PTPRT: variants seen among roughly 807,000 people sequenced by gnomAD.
The protein encoded by PTPRT is protein tyrosine phosphatase receptor type T, also known as receptor-type tyrosine-protein phosphatase T.
Under a neutral mutation model 176.8 loss-of-function variants are expected in PTPRT, and 56 were observed. That is an observed-to-expected ratio of 0.32 (90% CI 0.26 to 0.40). The LOEUF is 0.40. PTPRT is among the 10% of genes least tolerant of loss of function. PTPRT has a pLI of 1.00. For missense variants in PTPRT, 1,540 were observed against 1,908.2 expected (o/e 0.81, Z 3.60); for synonymous variants, 783 against 739.0 (o/e 1.06, Z -0.96).
intron 1 of PTPRT, among the ~76,000 whole-genome samples, chr20:43,181,417 A>T (rs982181800): frequency 6.6e-6 from 1 of 152,166 alleles, no homozygotes; most frequent in African/African-American, 2.4e-5. Flanking sequence ...CAAGAAAGAA[A>T]CATGGACAGC....
intron 1 of PTPRT, among the ~76,000 whole-genome samples, chr20:43,112,251 T>A (rs1329803163): frequency 6.6e-6 from 1 of 152,164 alleles, no homozygotes; most frequent in African/African-American, 2.4e-5. Context: ...GGCAAAGTAG[T>A]TCAATAAACA....
At chr20:43,140,443 AGTGTGTGTGTGTGTGTGT>A (rs6147356) in intron 1 of PTPRT, among the ~76,000 whole-genome samples, 17,150 of 146,800 alleles carry the variant, frequency 0.12, 1,193 homozygotes, top group Non-Finnish European at 0.16. Context: ...ACCTCTGGGT[AGTGTGTGTGTGTGTGTGT>A]GTGTGTGTGT....
intron 6 of PTPRT, among the ~76,000 whole-genome samples, chr20:42,721,162 T>A (rs2076296742): frequency 6.6e-6 from 1 of 152,030 alleles, no homozygotes; most frequent in Non-Finnish European, 1.5e-5. Context: ...TGAACAAAAG[T>A]TACTTGGGCC....
chr20:42,569,003 G>A (rs1450424222), intron 7 of PTPRT, among the ~76,000 whole-genome samples: 53 of 125,074 alleles, frequency 4.2e-4, no homozygotes, highest in Middle Eastern at 6.5e-3. Flanking sequence ...AGCCGAGATC[G>A]TGCCACTGCA....
At chr20:43,151,488 C>A (rs2014354610) in intron 1 of PTPRT, among the ~76,000 whole-genome samples, 1 of 152,162 alleles carries the variant, frequency 6.6e-6, no homozygotes, top group Non-Finnish European at 1.5e-5. Context: ...AATCCAGGAA[C>A]TGACTCCAGA....
chr20:42,742,147 C>G (rs2208983), intron 6 of PTPRT, among the ~76,000 whole-genome samples: 112,577 of 151,528 alleles, frequency 0.74, 42,114 homozygotes, highest in East Asian at 0.86. Flanking sequence ...TGGGTAGATA[C>G]AATCAGCTAA....
At chr20:42,514,732 C>T (rs1480433386) in intron 7 of PTPRT, among the ~76,000 whole-genome samples, 4 of 152,124 alleles carry the variant, frequency 2.6e-5, no homozygotes, top group African/African-American at 9.7e-5. Context: ...ATTTATTCAT[C>T]AAAAATTGAT....
chr20:43,188,073 T>C (rs2235206), intron 1 of PTPRT, among the ~76,000 whole-genome samples: 18,019 of 152,142 alleles, frequency 0.12, 1,397 homozygotes, highest in Non-Finnish European at 0.16. Context: ...ACGTGAGTGG[T>C]ATTAATGTGT....
chr20:42,526,956 CTTTTTTTTT>C (rs915511549), intron 7 of PTPRT, among the ~76,000 whole-genome samples: 4 of 78,710 alleles, frequency 5.1e-5, no homozygotes, highest in Non-Finnish European at 9.3e-5. Context: ...GTTCTTTTTT[CTTTTTTTTT>C]TTTTTTTTTT....
chr20:43,097,494 A>G (rs1025172270), intron 1 of PTPRT, among the ~76,000 whole-genome samples: 19 of 152,252 alleles, frequency 1.2e-4, no homozygotes, highest in African/African-American at 4.3e-4. Context: ...GGCACTGTTT[A>G]CTCTTTCAGT....
chr20:42,339,110 G>C (rs1407015453), intron 11 of PTPRT, among the ~76,000 whole-genome samples: 1 of 152,146 alleles, frequency 6.6e-6, no homozygotes, highest in Non-Finnish European at 1.5e-5. Flanking sequence ...AAGTGGATTT[G>C]TTTCTCCCAG....
At chr20:42,291,883 A>G (rs999955728) in intron 12 of PTPRT, among the ~76,000 whole-genome samples, 1 of 152,182 alleles carries the variant, frequency 6.6e-6, no homozygotes, top group African/African-American at 2.4e-5. Flanking sequence ...CTATTTAGGC[A>G]GGAAGAATTG....
intron 1 of PTPRT, among the ~76,000 whole-genome samples, chr20:43,059,364 G>A (rs1987363314): frequency 6.6e-6 from 1 of 151,992 alleles, no homozygotes; most frequent in South Asian, 2.1e-4. Context: ...AGGAGCCAAG[G>A]CATACCTTCA....
At chr20:42,430,580 A>T (rs1483261245) in intron 9 of PTPRT, among the ~76,000 whole-genome samples, 1 of 152,176 alleles carries the variant, frequency 6.6e-6, no homozygotes. Flanking sequence ...ATGTATCATA[A>T]AGTTGGTGGC....
intron 14 of PTPRT, among the ~76,000 whole-genome samples, chr20:42,243,238 G>T (rs1419211305): frequency 6.6e-6 from 1 of 152,166 alleles, no homozygotes; most frequent in Admixed American, 6.5e-5. Flanking sequence ...AGTAGGTAAT[G>T]ATTTTGACTT....
At chr20:42,248,138 T>A (rs1399111260) in intron 14 of PTPRT, among the ~76,000 whole-genome samples, 4 of 152,012 alleles carry the variant, frequency 2.6e-5, no homozygotes, top group Non-Finnish European at 4.4e-5. Flanking sequence ...GCTGGGAAGG[T>A]TCTGTGGGAC....
intron 16 of PTPRT, among the ~76,000 whole-genome samples, chr20:42,180,426 C>A (rs996014698): frequency 6.6e-6 from 1 of 152,176 alleles, no homozygotes; most frequent in African/African-American, 2.4e-5. Flanking sequence ...GACTCCTGAT[C>A]CCATTCAGCA....
chr20:42,520,849 A>C (rs1210675129), intron 7 of PTPRT, among the ~76,000 whole-genome samples: 1 of 129,766 alleles, frequency 7.7e-6, no homozygotes, highest in African/African-American at 3.2e-5. Context: ...GTGTAGATAG[A>C]TAGATAGATA....
intron 16 of PTPRT, among the ~76,000 whole-genome samples, chr20:42,170,487 A>C (rs1362169907): frequency 6.6e-6 from 1 of 152,224 alleles, no homozygotes; most frequent in Non-Finnish European, 1.5e-5. Flanking sequence ...AAGTAGCTAG[A>C]AAAAATATTT....
Sources: allele counts gnomAD v4.1 joint callset (sites outside exome capture counted in the v4.1 genomes callset), GRCh38; gene constraint gnomAD v4.1.1; transcripts MANE v1.5; gene names NCBI Gene and HGNC (gene_info 2026-07-23, HGNC 2026-07-21).